FANCA: variants seen among roughly 807,000 people sequenced by gnomAD.
FANCA encodes the protein FA complementation group A, also known as Fanconi anemia group A protein.
Under a neutral mutation model 194.3 loss-of-function variants are expected in FANCA, and 236 were observed. That is an observed-to-expected ratio of 1.21 (90% CI 1.09 to 1.35). The LOEUF (loss-of-function observed/expected upper bound fraction) is 1.35, where lower values mean the gene tolerates loss of function less well. FANCA is among the 40% of genes most tolerant of loss of function. The probability of loss-of-function intolerance (pLI) is 0.00; values close to 1 mark genes in which losing one functional copy is unlikely to be tolerated. For synonymous variants in FANCA, 1,014 were observed against 715.8 expected (o/e 1.42, Z -6.65); for missense variants, 2,628 against 1,813.9 (o/e 1.45, Z -8.15).
chr16:89,737,717 CCAGCTGTGATGGTTTCA>C lies in FANCA; in HGVS notation c.*867_*883del. 1.3e-6 allele frequency: 2 copies of C among 1,596,230 alleles called. No homozygotes were observed. Among genetic ancestry groups the C allele is most frequent in the Non-Finnish European group, 1.7e-6 (2 of 1,168,488 alleles). Reference sequence around the variant, plus strand: ...GTGAACCATGTGCAGAAATGTCTTCCCAGCTGTGATGGTTTCACATTGTCATCGTCGTCCCCCCGGGA... The same window carrying C: ...GTGAACCATGTGCAGAAATGTCTTCCCATTGTCATCGTCGTCCCCCCGGGA... On this transcript the variant is annotated 3_prime_UTR_variant, in exon 43 of 43. Transcript: ENST00000389301.
chr16:89,752,560 G>C (rs372082484), intron 30 of FANCA, among the ~76,000 whole-genome samples: 1 of 152,326 alleles, frequency 6.6e-6, no homozygotes, highest in African/African-American at 2.4e-5. Flanking sequence ...ATAGATCTTA[G>C]ATATGATTAC....
intron 17 of FANCA, among the ~76,000 whole-genome samples, chr16:89,782,533 CTT>C (rs1420031464): frequency 6.6e-6 from 1 of 151,690 alleles, no homozygotes; most frequent in Non-Finnish European, 1.5e-5. Flanking sequence ...AAAGTTAACA[CTT>C]TTCTGTGATT....
chr16:89,793,774 T>G (rs2108839), intron 11 of FANCA, among the ~76,000 whole-genome samples: 60,438 of 151,258 alleles, frequency 0.4, 13,161 homozygotes, highest in East Asian at 0.76. Flanking sequence ...TTTTTGATGC[T>G]GAGTCTCACT....
At chr16:89,812,646 CAAAAAAAA>C (rs71137677) in intron 3 of FANCA, among the ~76,000 whole-genome samples, 2 of 42,356 alleles carry the variant, frequency 4.7e-5, no homozygotes, top group East Asian at 7.1e-4. Context: ...TACTCCGTCT[CAAAAAAAA>C]AAAAAAAAAA....
intron 26 of FANCA, among the ~76,000 whole-genome samples, chr16:89,768,582 G>A (rs541502149): frequency 6.6e-6 from 1 of 152,064 alleles, no homozygotes; most frequent in African/African-American, 2.4e-5. Flanking sequence ...CTTGAACCCG[G>A]GAGGCGGAGG....
At chr16:89,792,116 G>T in intron 12 of FANCA, 48 bp from the exon 13 acceptor site, 1 of 1,612,342 alleles carries the variant, frequency 6.2e-7, no homozygotes, top group South Asian at 1.1e-5. Flanking sequence ...AAACCAATGT[G>T]CGACAGATGA....
In FANCA at chr16:89,748,710, C is replaced by T. The variant is rs779268656; in HGVS notation, c.3297G>A (p.Gln1099=). 6 of 1,614,028 alleles carry T rather than the reference C, an allele frequency of 3.7e-6. No individual in the cohort carries two copies. The highest frequency in any genetic ancestry group is 2.7e-5 in the African/African-American group (2 of 74,938). The change falls in exon 33 of 43, where the codon CAG becomes CAA. Residue 1099 remains glutamine (Q), a synonymous_variant. Coordinates refer to ENST00000389301, the MANE Select transcript of FANCA (RefSeq NM_000135.4). ...VLCGSSFQAE[Q]PITARCEQFF... ...ACTGCTCGCATCTGGCAGTGATGGGCTGTTCTGCCTGGAAGCTGCTGCCGC... is the reference window on the plus strand; with the variant it reads ...ACTGCTCGCATCTGGCAGTGATGGGTTGTTCTGCCTGGAAGCTGCTGCCGC...
chr16:89,742,272 TGGACTA>T (rs1159579373), intron 37 of FANCA, among the ~76,000 whole-genome samples: 4 of 151,538 alleles, frequency 2.6e-5, no homozygotes. Context: ...CCACCATGCC[TGGACTA>T]CAGACCCCCA....
chr16:89,752,741 C>G (rs985258111), intron 30 of FANCA, among the ~76,000 whole-genome samples: 2 of 152,194 alleles, frequency 1.3e-5, no homozygotes, highest in African/African-American at 4.8e-5. Context: ...TCTGTTGTGC[C>G]CGGACAGGGC....
intron 13 of FANCA, 139 bp downstream of exon 13, chr16:89,791,788 A>C: frequency 8.7e-7 from 1 of 1,150,380 alleles, no homozygotes; most frequent in Non-Finnish European, 1.3e-6. Context: ...AGAATGTTCC[A>C]TCGACAGGAG....
chr16:89,798,749 G>A lies in FANCA; in HGVS notation c.893+417C>T, dbSNP rs1287252199. The A allele has an allele frequency of 3.7e-6, 5 of 1,364,794 alleles. No individual in the cohort carries two copies. In the East Asian group the frequency reaches 1.5e-4, roughly 40 times the overall value. The allele number at this position is 1,364,794 out of a possible 1,614,324, so 84.5% of individuals were successfully genotyped here. On this transcript the variant is annotated intron_variant, in intron 10 of 42. Coordinates refer to ENST00000389301, the MANE Select transcript of FANCA (RefSeq NM_000135.4). ...ATCTGAGCAGGATCTGTGGAGGCCA[G>A]GCAGCGGGAGTCTGTAGAGGCACAG... is the stretch of plus-strand genomic sequence containing the variant.
chr16:89,741,010 C>A, intron 37 of FANCA, 144 bp from the exon 38 acceptor site: 1 of 754,550 alleles, frequency 1.3e-6, no homozygotes, highest in Non-Finnish European at 2.3e-6. Context: ...ACTTTCCAAT[C>A]ACTTCTAGAG....
chr16:89,807,525 G>GA (rs1021336782), intron 6 of FANCA, among the ~76,000 whole-genome samples: 2 of 152,028 alleles, frequency 1.3e-5, no homozygotes, highest in African/African-American at 4.8e-5. Flanking sequence ...CGAGGCAGGG[G>GA]AATCACCTGA....
chr16:89,768,659 A>ACAAAAAC (rs899796109), intron 26 of FANCA, among the ~76,000 whole-genome samples: 2 of 151,958 alleles, frequency 1.3e-5, no homozygotes, highest in African/African-American at 4.9e-5. Flanking sequence ...CTGTCTCAAA[A>ACAAAAAC]CAAAAACCAA....
At chr16:89,774,108 T>C (rs748395521) in intron 21 of FANCA, among the ~76,000 whole-genome samples, 4 of 152,082 alleles carry the variant, frequency 2.6e-5, no homozygotes, top group Non-Finnish European at 5.9e-5. Context: ...CTGCATATGT[T>C]TTTAAAGTAA....
Position 89,791,913 on chromosome 16 carries a change from G to A in FANCA, c.1225+14C>T, listed in dbSNP as rs376558078. ...ACTCTTGACCAGCACCACCGGGCTC[G>A]CGTAAAAGCTCACCTTCAAGCAGCT... On this transcript the variant is annotated intron_variant, in intron 13 of 42. Coordinates refer to ENST00000389301, the MANE Select transcript of FANCA (RefSeq NM_000135.4). The A allele has an allele frequency of 2.1e-4, 333 of 1,613,946 alleles. 1 individual carries two copies. The highest frequency in any genetic ancestry group is 2.5e-4 in the Non-Finnish European group (294 of 1,180,006).
intron 22 of FANCA, among the ~76,000 whole-genome samples, chr16:89,772,091 C>A (rs1000145658): frequency 1.3e-5 from 2 of 152,196 alleles, no homozygotes; most frequent in South Asian, 4.1e-4. Context: ...CATGAACCTC[C>A]CCATCTGAAA....
rs1336535353 is a variant in FANCA at position 89,815,983 on chromosome 16, C to T, written c.83G>A (p.Gly28Glu). The change falls in exon 2 of 43, where the codon GGA (glycine) becomes GAA (glutamate). Residue 28 changes from glycine to glutamate, a missense_variant. Physicochemically the swap from Gly to Glu is moderately conservative, Grantham distance 98. Transcript: ENST00000389301. ...RRRAWAELLA[G>E]RVKREKYNPE... Reference sequence around the variant, plus strand: ...ATTATATTTTTCCCTCTTGACCCTTCCCGCTACGGAGAGAAGTCGGTTCGA... The same window carrying T: ...ATTATATTTTTCCCTCTTGACCCTTTCCGCTACGGAGAGAAGTCGGTTCGA... 1.2e-6 allele frequency: 2 copies of T among 1,612,602 alleles called. No individual in the cohort carries two copies. Among genetic ancestry groups the T allele is most frequent in the Admixed American group, 1.7e-5 (1 of 60,030 alleles).
At chr16:89,744,927 C>A in intron 36 of FANCA, 32 bp downstream of exon 36, 1 of 1,588,838 alleles carries the variant, frequency 6.3e-7, no homozygotes, top group Non-Finnish European at 8.6e-7. Context: ...TGCATCTGGG[C>A]GGGCACACCC....
Sources: allele counts gnomAD v4.1 joint callset (sites outside exome capture counted in the v4.1 genomes callset), GRCh38; gene constraint gnomAD v4.1.1; transcripts MANE v1.5; gene names NCBI Gene and HGNC (gene_info 2026-07-23, HGNC 2026-07-21).